BAZ1A: variants seen among roughly 807,000 people sequenced by gnomAD.
The protein encoded by BAZ1A is bromodomain adjacent to zinc finger domain protein 1A.
A neutral mutation model predicts 185.2 loss-of-function variants in BAZ1A; 50 were observed. The ratio of observed to expected loss-of-function variants is 0.27; its 90% confidence interval spans 0.22 to 0.34. The LOEUF is 0.34. BAZ1A is among the 10% of genes least tolerant of loss of function. The pLI is 1.00. For synonymous variants in BAZ1A, 571 were observed against 615.6 expected (o/e 0.93, Z 1.07); for missense variants, 1,356 against 1,839.9 (o/e 0.74, Z 4.81).
At chr14:34,820,114 G>T (rs2042063993) in intron 4 of BAZ1A, among the ~76,000 whole-genome samples, 2 of 143,804 alleles carry the variant, frequency 1.4e-5, no homozygotes, top group African/African-American at 2.5e-5. Flanking sequence ...TTTTTAATTG[G>T]GTTCCTCGTT....
Position 34,771,502 on chromosome 14 carries a change from G to T in BAZ1A, c.3301+9C>A. The T allele has an allele frequency of 1.2e-6, 2 of 1,601,600 alleles. No individual in the cohort carries two copies. The highest frequency in any genetic ancestry group is 8.5e-7 in the Non-Finnish European group (1 of 1,176,196). ...CAACTAATATTTTGAAATAAAAACA[G>T]ATACTTACCAAGTGGAGCTTTCAGA... is the stretch of plus-strand genomic sequence containing the variant. On this transcript the variant is annotated intron_variant, in intron 21 of 26. Transcript: ENST00000360310.
chr14:34,758,733 G>A lies in BAZ1A; in HGVS notation c.4357C>T (p.Pro1453Ser), dbSNP rs984674838. The change falls in exon 25 of 27, where the codon CCT (proline) becomes TCT (serine). Residue 1453 changes from proline (P) to serine (S), a missense_variant. Physicochemically the swap from Pro to Ser is moderately conservative, Grantham distance 74. Transcript: ENST00000360310. ...VELVRHDDSW[P>S]FLKLVSKIQV... Reference sequence around the variant, plus strand: ...ATTTTAGAAACAAGTTTCAAAAAAGGCCAGCTGTCATCATGTCGTACCAAT... The same window carrying A: ...ATTTTAGAAACAAGTTTCAAAAAAGACCAGCTGTCATCATGTCGTACCAAT... 1 of 1,613,908 alleles carries A rather than the reference G, an allele frequency of 6.2e-7. No homozygotes were observed. Among genetic ancestry groups the A allele is most frequent in the Non-Finnish European group, 8.5e-7 (1 of 1,179,928 alleles).
intron 21 of BAZ1A, among the ~76,000 whole-genome samples, chr14:34,769,497 A>G (rs889733085): frequency 5.3e-5 from 8 of 152,186 alleles, no homozygotes; most frequent in African/African-American, 1.7e-4. Context: ...AGTGTCTCTC[A>G]TATAACCTAC....
At chr14:34,809,211 A>G (rs550966876) in intron 5 of BAZ1A, among the ~76,000 whole-genome samples, 1 of 152,280 alleles carries the variant, frequency 6.6e-6, no homozygotes, top group Non-Finnish European at 1.5e-5. Context: ...ACAGATAACC[A>G]AGGATGACTA....
intron 21 of BAZ1A, among the ~76,000 whole-genome samples, chr14:34,768,102 G>A (rs1055401287): frequency 2.6e-5 from 4 of 152,012 alleles, no homozygotes; most frequent in African/African-American, 7.3e-5. Flanking sequence ...TTACACAACC[G>A]TAAAGGGCAG....
intron 4 of BAZ1A, among the ~76,000 whole-genome samples, chr14:34,824,438 A>G (rs11848225): frequency 7.2e-6 from 1 of 138,616 alleles, no homozygotes; most frequent in African/African-American, 2.6e-5. Context: ...GAAGAGATGT[A>G]TCAAAAGACT....
chr14:34,828,801 CTCT>C (rs1566584232), intron 3 of BAZ1A: 1 of 152,176 alleles, frequency 6.6e-6, no homozygotes, highest in Non-Finnish European at 1.5e-5. Context: ...AGGGTATGGT[CTCT>C]TCTTCTCATT....
At chr14:34,857,938 T>C (rs1594908355) in intron 3 of BAZ1A, among the ~76,000 whole-genome samples, 1 of 152,188 alleles carries the variant, frequency 6.6e-6, no homozygotes, top group African/African-American at 2.4e-5. Context: ...CTCTCTACCA[T>C]ACCACTGCCT....
Position 34,857,731 on chromosome 14 carries a change from C to T in BAZ1A, c.392+4313G>A, listed in dbSNP as rs150781922. The stretch of plus-strand genomic sequence containing the variant: ...GTTCCAGGATTTCCATGCTTGACCT[C>T]GTTTCAATCATTTCACCAAACAGCA... On this transcript the variant is annotated intron_variant, in intron 3 of 26. Transcript: ENST00000360310. 6.2e-3 allele frequency among the ~76,000 whole-genome samples: 947 copies of T among 152,294 alleles called. 7 individuals carry two copies. The highest frequency in any genetic ancestry group is 0.011 in the Non-Finnish European group (730 of 68,026).
chr14:34,860,481 C>G (rs1388916744), intron 3 of BAZ1A, among the ~76,000 whole-genome samples: 1 of 134,310 alleles, frequency 7.4e-6, no homozygotes, highest in Non-Finnish European at 1.5e-5. Context: ...GCACTCTAGC[C>G]TGGGCAACAG....
chr14:34,773,322 T>G (rs1810347544), intron 20 of BAZ1A, among the ~76,000 whole-genome samples: 1 of 146,442 alleles, frequency 6.8e-6, no homozygotes, highest in Admixed American at 6.8e-5. Flanking sequence ...GTTCAAAGAT[T>G]AAAAAAAAAA....
rs1336624705 is a variant in BAZ1A, at chr14:34,875,197, A to AC, written c.-119dup. 4.5e-6 allele frequency: 2 copies of AC among 442,086 alleles called. No individual in the cohort carries two copies. Among genetic ancestry groups the AC allele is most frequent in the East Asian group, 1.4e-4 (2 of 13,794 alleles). The allele number at this position is 442,086 out of a possible 1,614,324, so 27.4% of individuals were successfully genotyped here. On this transcript the variant is annotated 5_prime_UTR_variant, in exon 1 of 27. Coordinates refer to ENST00000360310, the MANE Select transcript of BAZ1A (RefSeq NM_013448.3). ...TCCACTACAAAGGCAACGAGGGGAG[A>AC]CCCCGTCCTCCCAGGGGACCGCCTC...
chr14:34,765,669 C>G (rs1257971632), intron 21 of BAZ1A, among the ~76,000 whole-genome samples: 1 of 152,142 alleles, frequency 6.6e-6, no homozygotes, highest in Non-Finnish European at 1.5e-5. Flanking sequence ...ATGGACTGTT[C>G]TCCAACTTAA....
chr14:34,831,951 T>C (rs2042247993), intron 3 of BAZ1A, among the ~76,000 whole-genome samples: 1 of 151,780 alleles, frequency 6.6e-6, no homozygotes, highest in Non-Finnish European at 1.5e-5. Context: ...TCCCAGCACT[T>C]TGGCAGGCTG....
rs746467201 is a variant in BAZ1A, at chr14:34,801,168, G to A, written c.887C>T (p.Thr296Ile). ...AGCTTTGCTCCTATAACTTGCAAGA[G>A]TCTGTTTATTAGCAACATTGTCCTC... ...SQEDNVANKQ[T>I]LASYRSKATK... Residue 296 changes from threonine to isoleucine, a missense_variant, in exon 8 of 27, where the codon ACT becomes ATT. By Grantham distance (89) the Thr-to-Ile change is moderately conservative. This residue lies in a region of BAZ1A where 332 missense variants were observed against 395.3 expected (regional missense o/e 0.84). Transcript: ENST00000360310. 1 of 1,606,252 alleles carries A rather than the reference G, an allele frequency of 6.2e-7. No individual in the cohort carries two copies. Among genetic ancestry groups the A allele is most frequent in the Non-Finnish European group, 8.5e-7 (1 of 1,177,544 alleles).
In BAZ1A at chr14:34,783,291, G is replaced by A. The variant is rs557869268; in HGVS notation, c.1998-59C>T. On this transcript the variant is annotated intron_variant, in intron 15 of 26. Transcript: ENST00000360310. ...GATGCACATATACATTTCACTTTTAGCATCTTGTCTTTAATCAAATCATGG... is the reference window on the plus strand; with the variant it reads ...GATGCACATATACATTTCACTTTTAACATCTTGTCTTTAATCAAATCATGG... 2.5e-5 allele frequency: 25 copies of A among 1,001,552 alleles called. No individual in the cohort carries two copies. The African/African-American group carries it at 3.6e-4, about 14-fold the overall frequency. The allele number at this position is 1,001,552 out of a possible 1,614,324, so 62.0% of individuals were successfully genotyped here. A position where few individuals can be genotyped will look rare whatever the true frequency, so the allele number is the denominator to read the frequency against.
At chr14:34,859,615 C>T (rs892979390) in intron 3 of BAZ1A, among the ~76,000 whole-genome samples, 7 of 152,090 alleles carry the variant, frequency 4.6e-5, no homozygotes, top group Non-Finnish European at 1.0e-4. Context: ...TTCTACTTAA[C>T]TCTTAACTGA....
chr14:34,802,671 A>C (rs373436839), intron 7 of BAZ1A, among the ~76,000 whole-genome samples, 183 bp downstream of exon 7: 1 of 152,214 alleles, frequency 6.6e-6, no homozygotes, highest in East Asian at 1.9e-4. Flanking sequence ...TTCACACCTG[A>C]AACTTCTACA....
At chr14:34,786,045 T>C in intron 13 of BAZ1A, 44 bp from the exon 14 acceptor site, 4 of 1,594,536 alleles carry the variant, frequency 2.5e-6, no homozygotes, top group Non-Finnish European at 3.4e-6. Context: ...ATATAAACAA[T>C]AAATACTCAG....
Sources: allele counts gnomAD v4.1 joint callset (sites outside exome capture counted in the v4.1 genomes callset), GRCh38; gene constraint gnomAD v4.1.1; regional missense constraint gnomAD v4.1.1; transcripts MANE v1.5; gene names NCBI Gene and HGNC (gene_info 2026-07-23, HGNC 2026-07-21).